GAB1: variants seen among roughly 807,000 people sequenced by gnomAD.
GAB1 encodes the protein GRB2-associated-binding protein 1.
Under a neutral mutation model 66.5 loss-of-function variants are expected in GAB1, and 19 were observed. The observed-to-expected ratio is 0.29, with a 90% confidence interval of 0.20 to 0.42. The LOEUF is 0.42. GAB1 is among the 10% of genes least tolerant of loss of function. The pLI is 1.00. For missense variants in GAB1, 732 were observed against 858.5 expected (o/e 0.85, Z 1.84); for synonymous variants, 294 against 301.4 (o/e 0.98, Z 0.25).
Position 143,471,804 on chromosome 4 carries a change from G to T in GAB1, c.*2615G>T, listed in dbSNP as rs750386778. On this transcript the variant is annotated 3_prime_UTR_variant, in exon 10 of 10. Coordinates refer to ENST00000262994, the MANE Select transcript of GAB1 (RefSeq NM_002039.4). Reference sequence around the variant, plus strand: ...GGTAGTGGAAGTTAATACATAAGCAGTCTCCAGTGTGGTAAAGTAGGGTAT... The same window carrying T: ...GGTAGTGGAAGTTAATACATAAGCATTCTCCAGTGTGGTAAAGTAGGGTAT... The T allele has an allele frequency of 2.6e-5, 4 of 152,122 alleles. No individual in the cohort carries two copies. The highest frequency in any genetic ancestry group is 5.9e-5 in the Non-Finnish European group (4 of 67,996). 9.4% of individuals were successfully genotyped at this position (152,122 alleles called of 1,614,324 possible).
intron 2 of GAB1, among the ~76,000 whole-genome samples, chr4:143,433,247 G>T (rs572216108): frequency 6.5e-4 from 99 of 152,254 alleles, no homozygotes; most frequent in Non-Finnish European, 1.2e-3. Flanking sequence ...TCAAGCAAAG[G>T]TTAGCCATGG....
chr4:143,353,018 CATGA>C (rs1200495780), intron 1 of GAB1, among the ~76,000 whole-genome samples: 5 of 152,074 alleles, frequency 3.3e-5, no homozygotes, highest in African/African-American at 7.2e-5. Context: ...ACTCAAAAGA[CATGA>C]TTAAATCAAA....
intron 1 of GAB1, 105 bp downstream of exon 1, chr4:143,337,365 A>G (rs1728694672): frequency 1.3e-5 from 12 of 939,882 alleles, no homozygotes; most frequent in Non-Finnish European, 1.7e-5. Context: ...TGGTTCTTAA[A>G]CGAATGCCGG....
intron 2 of GAB1, among the ~76,000 whole-genome samples, chr4:143,428,911 T>TG (rs34596367): frequency 0.4 from 58,990 of 147,636 alleles, 13,068 homozygotes; most frequent in African/African-American, 0.59. Context: ...GATGAGTTAA[T>TG]GGTGCAGCAC....
intron 1 of GAB1, among the ~76,000 whole-genome samples, chr4:143,362,252 C>T (rs550171726): frequency 6.6e-6 from 1 of 152,256 alleles, no homozygotes; most frequent in South Asian, 2.1e-4. Context: ...AATGTTATAA[C>T]AGAACCCATA....
chr4:143,460,283 CTGTCTCTCATTTTTATT>C, intron 7 of GAB1, 64 bp from the exon 8 acceptor site: 4 of 1,307,908 alleles, frequency 3.1e-6, no homozygotes, highest in Non-Finnish European at 4.4e-6. Flanking sequence ...AGAATGCAGA[CTGTCTCTCATTTTTATT>C]TGGGGAATAA....
At chr4:143,461,302 G>A (rs1381434918) in intron 8 of GAB1, among the ~76,000 whole-genome samples, 1 of 152,206 alleles carries the variant, frequency 6.6e-6, no homozygotes, top group Non-Finnish European at 1.5e-5. Flanking sequence ...CAAGAGAGAA[G>A]TTTCTTTCTT....
chr4:143,384,706 C>T (rs1471319378), intron 1 of GAB1, among the ~76,000 whole-genome samples: 1 of 152,208 alleles, frequency 6.6e-6, no homozygotes, highest in Non-Finnish European at 1.5e-5. Flanking sequence ...TTTGCAGGCT[C>T]TGTTCAGTCT....
chr4:143,421,533 A>T (rs1733013496), intron 2 of GAB1, among the ~76,000 whole-genome samples: 1 of 151,986 alleles, frequency 6.6e-6, no homozygotes, highest in African/African-American at 2.4e-5. Flanking sequence ...GTGAGAGTTT[A>T]CTTTACATTC....
At chr4:143,425,546 A>G in intron 2 of GAB1, 2 of 762,896 alleles carry the variant, frequency 2.6e-6, no homozygotes, top group Non-Finnish European at 4.8e-6. Context: ...ACAACAAGGG[A>G]GCTCACTCCG....
intron 6 of GAB1, among the ~76,000 whole-genome samples, chr4:143,442,960 G>C (rs547316200): frequency 2.0e-5 from 3 of 149,106 alleles, no homozygotes; most frequent in Non-Finnish European, 4.5e-5. Context: ...CAGTAAAGAG[G>C]TTCCTGAAGT....
chr4:143,412,118 A>C (rs1414068842), intron 1 of GAB1, among the ~76,000 whole-genome samples: 1 of 152,182 alleles, frequency 6.6e-6, no homozygotes, highest in African/African-American at 2.4e-5. Context: ...TTTAGTTCCT[A>C]AGGGCTTTTT....
intron 1 of GAB1, among the ~76,000 whole-genome samples, chr4:143,382,422 G>T (rs1730694637): frequency 6.6e-6 from 1 of 152,180 alleles, no homozygotes; most frequent in Non-Finnish European, 1.5e-5. Context: ...CTCAGGAATA[G>T]TGTAAAAAGA....
At chr4:143,453,694 A>G (rs1735036347) in intron 6 of GAB1, among the ~76,000 whole-genome samples, 1 of 152,164 alleles carries the variant, frequency 6.6e-6, no homozygotes, top group Non-Finnish European at 1.5e-5. Context: ...TTCTAAGAGT[A>G]ACTATAGTAA....
At chr4:143,439,046 C>T (rs1388725386) in intron 4 of GAB1, among the ~76,000 whole-genome samples, 1 of 152,146 alleles carries the variant, frequency 6.6e-6, no homozygotes, top group Non-Finnish European at 1.5e-5. Flanking sequence ...TTGTGTCTAA[C>T]AGGTGATATT....
At chr4:143,380,317 A>G (rs1730605339) in intron 1 of GAB1, among the ~76,000 whole-genome samples, 1 of 152,146 alleles carries the variant, frequency 6.6e-6, no homozygotes, top group Admixed American at 6.5e-5. Context: ...AAGCTATAAA[A>G]TCAAACTAAT....
At chr4:143,365,308 A>G (rs1228259997) in intron 1 of GAB1, among the ~76,000 whole-genome samples, 2 of 151,398 alleles carry the variant, frequency 1.3e-5, no homozygotes, top group African/African-American at 4.9e-5. Context: ...TCATACCCCT[A>G]CTCTCCATTC....
chr4:143,460,480 A>G lies in GAB1; in HGVS notation c.1796A>G (p.Glu599Gly), dbSNP rs1346983645. The change falls in exon 8 of 10, where the codon GAA becomes GGA. Residue 599 changes from glutamate to glycine, a missense_variant. Transcript: ENST00000262994. The stretch of plus-strand genomic sequence containing the variant: ...CCCATGAACCCAAACCTGTCCAGTG[A>G]AGACCCAGTATGTAAAGTTTTAACT... ...YVPMNPNLSS[E>G]DPNLFGSNSL... The G allele has an allele frequency of 1.9e-6, 3 of 1,613,510 alleles. No individual in the cohort carries two copies. The highest frequency in any genetic ancestry group is 2.5e-6 in the Non-Finnish European group (3 of 1,179,698).
chr4:143,367,037 A>G (rs1729910776), intron 1 of GAB1, among the ~76,000 whole-genome samples: 1 of 152,138 alleles, frequency 6.6e-6, no homozygotes, highest in African/African-American at 2.4e-5. Context: ...TCCAGGCCAC[A>G]GTTTTAGCTT....
Sources: allele counts gnomAD v4.1 joint callset (sites outside exome capture counted in the v4.1 genomes callset), GRCh38; gene constraint gnomAD v4.1.1; transcripts MANE v1.5; gene names NCBI Gene and HGNC (gene_info 2026-07-23, HGNC 2026-07-21).